Variants in SLC35F1 observed in about 807,000 individuals in gnomAD.
SLC35F1 encodes the protein solute carrier family 35 member F1, also known as chromosome 6 open reading frame 169.
SLC35F1 carries 14 observed loss-of-function variants against 48.7 expected under a neutral mutation model. That is an observed-to-expected ratio of 0.29 (90% CI 0.19 to 0.45). The LOEUF (loss-of-function observed/expected upper bound fraction) is 0.45. Ranked by LOEUF, SLC35F1 falls within the 20% of genes least tolerant of loss-of-function variation. SLC35F1 has a pLI of 1.00. For missense variants in SLC35F1, 404 were observed against 500.0 expected (o/e 0.81, Z 1.83); for synonymous variants, 190 against 202.2 (o/e 0.94, Z 0.51).
chr6:118,068,916 A>G (rs1772658566), intron 1 of SLC35F1, among the ~76,000 whole-genome samples: 1 of 152,192 alleles, frequency 6.6e-6, no homozygotes, highest in Non-Finnish European at 1.5e-5. Flanking sequence ...CAAGGTCACT[A>G]TTTTAAGTTT....
chr6:118,299,183 AAC>A (rs1776228157), intron 7 of SLC35F1, among the ~76,000 whole-genome samples: 2 of 152,178 alleles, frequency 1.3e-5, no homozygotes, highest in East Asian at 3.9e-4. Context: ...CTATCTCAAA[AAC>A]AAACAAACAA....
intron 1 of SLC35F1, among the ~76,000 whole-genome samples, chr6:117,945,775 T>G (rs11968302): frequency 0.04 from 6,100 of 152,278 alleles, 428 homozygotes; most frequent in African/African-American, 0.14. Context: ...TTCTTCTGCA[T>G]AGTAACAAGC....
intron 1 of SLC35F1, among the ~76,000 whole-genome samples, chr6:118,100,157 TG>T (rs1773235884): frequency 6.6e-6 from 1 of 152,172 alleles, no homozygotes; most frequent in South Asian, 2.1e-4. Flanking sequence ...TGACAGGAGC[TG>T]GATTTAGACC....
chr6:118,164,289 G>A (rs1002227561), intron 2 of SLC35F1, among the ~76,000 whole-genome samples: 1 of 152,100 alleles, frequency 6.6e-6, no homozygotes, highest in Non-Finnish European at 1.5e-5. Flanking sequence ...ACTATTTGAA[G>A]CTTCTTCCAA....
chr6:118,190,010 A>G (rs1774710404), intron 2 of SLC35F1, among the ~76,000 whole-genome samples: 1 of 152,212 alleles, frequency 6.6e-6, no homozygotes, highest in Non-Finnish European at 1.5e-5. Flanking sequence ...TACTTGTTAA[A>G]TTAGGTTGCA....
At chr6:118,279,610 A>G (rs971459651) in intron 6 of SLC35F1, among the ~76,000 whole-genome samples, 4 of 152,196 alleles carry the variant, frequency 2.6e-5, no homozygotes, top group African/African-American at 9.7e-5. Flanking sequence ...TTGACATTGC[A>G]CTTTCTTTCT....
At chr6:117,966,196 C>T (rs113900804) in intron 1 of SLC35F1, among the ~76,000 whole-genome samples, 16 of 144,880 alleles carry the variant, frequency 1.1e-4, no homozygotes, top group African/African-American at 3.3e-4. Flanking sequence ...CCTGTCCATG[C>T]TGTGGAAGCT....
At chr6:118,082,595 T>C (rs926638551) in intron 1 of SLC35F1, among the ~76,000 whole-genome samples, 2 of 152,056 alleles carry the variant, frequency 1.3e-5, no homozygotes, top group Non-Finnish European at 2.9e-5. Context: ...TTTTTTTTTT[T>C]CATAAAGGAG....
intron 2 of SLC35F1, among the ~76,000 whole-genome samples, chr6:118,208,443 C>T (rs1156743065): frequency 6.6e-6 from 1 of 152,174 alleles, no homozygotes; most frequent in Non-Finnish European, 1.5e-5. Flanking sequence ...TTGACCAAGA[C>T]ATTTATTATT....
At chr6:117,927,362 A>T (rs1357585245) in intron 1 of SLC35F1, among the ~76,000 whole-genome samples, 1 of 152,174 alleles carries the variant, frequency 6.6e-6, no homozygotes, top group East Asian at 1.9e-4. Context: ...TGGGACTTGT[A>T]GTTATTATGT....
At chr6:118,252,484 G>A (rs545772737) in intron 3 of SLC35F1, among the ~76,000 whole-genome samples, 1 of 152,256 alleles carries the variant, frequency 6.6e-6, no homozygotes, top group Non-Finnish European at 1.5e-5. Flanking sequence ...AACTGGGGAA[G>A]AGAAGATGTG....
chr6:118,032,643 C>T (rs1318429163), intron 1 of SLC35F1, among the ~76,000 whole-genome samples: 1 of 152,064 alleles, frequency 6.6e-6, no homozygotes, highest in Admixed American at 6.6e-5. Context: ...CAGGTAATTC[C>T]AGTGTGATAA....
At chr6:118,083,691 G>A (rs941978115) in intron 1 of SLC35F1, among the ~76,000 whole-genome samples, 7 of 152,164 alleles carry the variant, frequency 4.6e-5, no homozygotes, top group Non-Finnish European at 8.8e-5. Flanking sequence ...TTTTGTGGTG[G>A]ATCGTGATTG....
chr6:117,958,844 C>T (rs566324822), intron 1 of SLC35F1, among the ~76,000 whole-genome samples: 2 of 152,308 alleles, frequency 1.3e-5, no homozygotes, highest in African/African-American at 2.4e-5. Context: ...CATCTCACTT[C>T]GTTGACAATT....
chr6:117,907,632 C>T lies in SLC35F1; in HGVS notation c.-95C>T, dbSNP rs1223793514. The T allele has an allele frequency of 4.3e-6, 3 of 694,244 alleles. No homozygotes were observed. The highest frequency in any genetic ancestry group is 4.4e-5 in the Admixed American group (1 of 22,818). The allele number at this position is 694,244 out of a possible 1,614,324, so 43.0% of individuals were successfully genotyped here. ...AGCACCGCCTCCCGGGCCGCGGCCG[C>T]CCGGCCGGGTCCTCTGCGCGTTCCC... On this transcript the variant is annotated 5_prime_UTR_variant, in exon 1 of 8. Coordinates refer to ENST00000360388, the MANE Select transcript of SLC35F1 (RefSeq NM_001029858.4).
intron 1 of SLC35F1, among the ~76,000 whole-genome samples, chr6:117,988,095 C>T (rs1452022254): frequency 6.6e-6 from 1 of 152,136 alleles, no homozygotes; most frequent in Non-Finnish European, 1.5e-5. Context: ...ACACACATTA[C>T]TCCTTGAGAA....
intron 7 of SLC35F1, among the ~76,000 whole-genome samples, chr6:118,291,242 T>TACACACAC (rs10603708): frequency 2.7e-5 from 4 of 148,706 alleles, no homozygotes; most frequent in East Asian, 2.0e-4. Flanking sequence ...GTATCATGTA[T>TACACACAC]ACACACACAC....
chr6:117,983,554 G>T (rs1776809728), intron 1 of SLC35F1, among the ~76,000 whole-genome samples: 2 of 152,174 alleles, frequency 1.3e-5, no homozygotes, highest in Non-Finnish European at 2.9e-5. Context: ...TCCAGCCTGG[G>T]TGACAGAGTG....
intron 7 of SLC35F1, among the ~76,000 whole-genome samples, chr6:118,286,040 C>T (rs114879262): frequency 5.3e-5 from 8 of 152,308 alleles, no homozygotes; most frequent in African/African-American, 1.7e-4. Context: ...ACCACACTCA[C>T]TGCTGCCAAT....
Sources: allele counts gnomAD v4.1 joint callset (sites outside exome capture counted in the v4.1 genomes callset), GRCh38; gene constraint gnomAD v4.1.1; transcripts MANE v1.5; gene names NCBI Gene and HGNC (gene_info 2026-07-23, HGNC 2026-07-21).